Variants in MRE11 observed in about 807,000 individuals in gnomAD.
MRE11 encodes the protein double-strand break repair protein MRE11.
Under a neutral mutation model 91.7 loss-of-function variants are expected in MRE11, and 62 were observed. The ratio of observed to expected loss-of-function variants is 0.68; its 90% CI spans 0.55 to 0.84. The LOEUF is 0.84. Among genes scored for constraint, MRE11 ranks in the 40% least tolerant of loss-of-function variants. The pLI is 0.00. For missense variants in MRE11, 796 were observed against 852.9 expected, an observed-to-expected ratio of 0.93 and a Z score of 0.83; for synonymous variants, 273 against 271.4, an observed-to-expected ratio of 1.01 and a Z score of -0.06.
chr11:94,501,815 G>C, the MRE11 span, among the ~76,000 whole-genome samples: 19 of 151,478 alleles, frequency 1.3e-4, no homozygotes, highest in Admixed American at 7.9e-4. Flanking sequence ...TATCTATCTT[G>C]TTGTAGGCTA....
chr11:94,418,761 C>G lies in MRE11; in HGVS notation c.*1364G>C. 8.6e-6 allele frequency: 2 copies of G among 232,330 alleles called. No homozygotes were observed. Among genetic ancestry groups the G allele is most frequent in the Non-Finnish European group, 1.7e-5 (2 of 117,474 alleles). 14.4% of individuals were successfully genotyped at this position (232,330 alleles called of 1,614,324 possible). A position where few individuals can be genotyped will look rare whatever the true frequency, so the allele number is the denominator to read the frequency against. ...TTCCACTGAGTTAATGTTACTTGCTCAAATAACCCTTATGCTCAAGTTAGG... is the reference window on the plus strand; with the variant it reads ...TTCCACTGAGTTAATGTTACTTGCTGAAATAACCCTTATGCTCAAGTTAGG... On this transcript the variant is annotated 3_prime_UTR_variant, in exon 20 of 20. Coordinates refer to ENST00000323929, the MANE Select transcript of MRE11 (RefSeq NM_005591.4).
Position 94,435,914 on chromosome 11 carries a change from A to AT in MRE11, c.1927-16_1927-15insA, listed in dbSNP as rs1173228408. 14 of 1,611,496 alleles carry AT rather than the reference A, an allele frequency of 8.7e-6. No individual in the cohort carries two copies. In the African/African-American group the frequency reaches 1.7e-4, roughly 20 times the overall value. On this transcript the variant is annotated splice_polypyrimidine_tract_variant and intron_variant, in intron 17 of 19. Coordinates refer to ENST00000323929, the MANE Select transcript of MRE11 (RefSeq NM_005591.4). ...ACCTCAATCACCTGGCAAGGAAACA[A>AT]AGCAACAAACAGTTTTTGTGAGAAT...
intron 11 of MRE11, 130 bp downstream of exon 11, chr11:94,463,983 A>G: frequency 1.0e-6 from 1 of 975,948 alleles, no homozygotes; most frequent in Non-Finnish European, 1.5e-6. Flanking sequence ...AATTATTCCC[A>G]CTGTCAATTT....
At chr11:94,467,147 T>C (rs188519705) in intron 10 of MRE11, among the ~76,000 whole-genome samples, 21 of 152,262 alleles carry the variant, frequency 1.4e-4, no homozygotes, top group Admixed American at 9.2e-4. Flanking sequence ...GGTTATATAC[T>C]TTTAGGGGCT....
At chr11:94,448,781 G>A (rs183186520) in intron 14 of MRE11, among the ~76,000 whole-genome samples, 112 of 152,206 alleles carry the variant, frequency 7.4e-4, no homozygotes, top group Middle Eastern at 3.4e-3. Flanking sequence ...GCAACAGAGC[G>A]AGACCCTGTC....
At chr11:94,470,827 CCTTCCCCAGAGTAA>C (rs1946690604) in intron 8 of MRE11, among the ~76,000 whole-genome samples, 185 bp from the exon 9 acceptor site, 2 of 152,026 alleles carry the variant, frequency 1.3e-5, no homozygotes, top group Non-Finnish European at 2.9e-5. Context: ...TAGACATTTT[CCTTCCCCAGAGTAA>C]AATCAACTCA....
At chr11:94,480,513 A>G (rs1243863023) in intron 4 of MRE11, among the ~76,000 whole-genome samples, 1 of 152,226 alleles carries the variant, frequency 6.6e-6, no homozygotes, top group Non-Finnish European at 1.5e-5. Flanking sequence ...TTTACAAACA[A>G]TGCTACAGTC....
chr11:94,490,181 C>T (rs919150977), intron 3 of MRE11, among the ~76,000 whole-genome samples: 1 of 152,118 alleles, frequency 6.6e-6, no homozygotes, highest in Non-Finnish European at 1.5e-5. Context: ...AGCTCAAATC[C>T]TTCCTTCTAG....
At chr11:94,502,455 T>A in the MRE11 span, among the ~76,000 whole-genome samples, 1 of 152,232 alleles carries the variant, frequency 6.6e-6, no homozygotes, top group Non-Finnish European at 1.5e-5. Flanking sequence ...AAATTCCATT[T>A]TCTTTAATAT....
At chr11:94,498,344 T>C, upstream of MRE11, 1 of 1,611,422 alleles carries the variant, frequency 6.2e-7, no homozygotes. Context: ...CTTGACCCCC[T>C]TGCATCTTGC....
chr11:94,461,983 G>A (rs1157658710), intron 11 of MRE11, among the ~76,000 whole-genome samples: 3 of 152,288 alleles, frequency 2.0e-5, no homozygotes, highest in Middle Eastern at 3.4e-3. Context: ...GCTGAGGCAG[G>A]AGAATGGCGT....
the MRE11 span, among the ~76,000 whole-genome samples, chr11:94,506,878 C>T: frequency 3.3e-5 from 5 of 152,042 alleles, no homozygotes; most frequent in Admixed American, 2.0e-4. Flanking sequence ...GTGTGAGCCA[C>T]GGTGCCAGCC....
the MRE11 span, among the ~76,000 whole-genome samples, chr11:94,506,454 C>CA: frequency 4.7e-4 from 71 of 149,904 alleles, 1 homozygote; most frequent in South Asian, 0.015. Flanking sequence ...CAATTGGAAA[C>CA]AAAAAAAATC....
chr11:94,444,174 G>A (rs1945863914), intron 16 of MRE11, among the ~76,000 whole-genome samples: 1 of 151,920 alleles, frequency 6.6e-6, no homozygotes, highest in Non-Finnish European at 1.5e-5. Context: ...CTCCCAAAGT[G>A]GTAGGATTAT....
chr11:94,419,465 G>GGAGAGGGAGAGAGAGA lies in MRE11; in HGVS notation c.*659_*660insTCTCTCTCTCCCTCTC, dbSNP rs1554996391. Reference sequence around the variant, plus strand: ...GAAGAGTGGGGAACGGGGGGGAGAGGGAGAGAGAGAGAGAGAGAGAGAGAG... The same window carrying GGAGAGGGAGAGAGAGA: ...GAAGAGTGGGGAACGGGGGGGAGAGGGAGAGGGAGAGAGAGAGAGAGAGAGAGAGAGAGAGAGAGAG... On this transcript the variant is annotated 3_prime_UTR_variant, in exon 20 of 20. Coordinates refer to ENST00000323929, the MANE Select transcript of MRE11 (RefSeq NM_005591.4). 14 of 216,372 alleles carry GGAGAGGGAGAGAGAGA rather than the reference G, an allele frequency of 6.5e-5. No individual in the cohort carries two copies. The highest frequency in any genetic ancestry group is 1.7e-4 in the African/African-American group (7 of 40,616). The allele number at this position is 216,372 out of a possible 1,614,324, so 13.4% of individuals were successfully genotyped here.
the MRE11 span, among the ~76,000 whole-genome samples, chr11:94,501,256 G>A: frequency 6.6e-6 from 1 of 152,156 alleles, no homozygotes; most frequent in African/African-American, 2.4e-5. Flanking sequence ...GAACCTAAGT[G>A]GAAATGATCT....
Position 94,471,687 on chromosome 11 carries a change from G to A in MRE11, c.732C>T (p.Gly244=), listed in dbSNP as rs1591695325. The change falls in exon 8 of 20, where the codon GGC becomes GGT. Residue 244 remains glycine (G), a synonymous_variant. Transcript: ENST00000323929. ...GAGCTATTTTACACTCATGTTCATG[G>A]CCCCAGATAACAAGATCAATGAAGT... ...LDDFIDLVIW[G]HEHECKIAPT... is the part of the protein sequence containing the mutation. 2 of 1,612,572 alleles carry A rather than the reference G, an allele frequency of 1.2e-6. No individual in the cohort carries two copies. Among genetic ancestry groups the A allele is most frequent in the Non-Finnish European group, 1.7e-6 (2 of 1,179,102 alleles).
chr11:94,488,532 G>C (rs1372104912), intron 3 of MRE11, among the ~76,000 whole-genome samples: 1 of 152,134 alleles, frequency 6.6e-6, no homozygotes. Context: ...ATTCACAATA[G>C]CAAAGACATG....
chr11:94,449,755 G>C (rs1174747565), intron 14 of MRE11, among the ~76,000 whole-genome samples: 1 of 152,148 alleles, frequency 6.6e-6, no homozygotes, highest in Non-Finnish European at 1.5e-5. Flanking sequence ...TTGCTCCTTG[G>C]CTACAAACCT....
Sources: gnomAD v4.1 joint callset for allele counts (sites outside exome capture counted in the v4.1 genomes callset) on GRCh38, gnomAD v4.1.1 for gene constraint, MANE v1.5 for transcripts, NCBI Gene and HGNC (gene_info 2026-07-23, HGNC 2026-07-21) for gene names.